Variants in DST observed in about 807,000 individuals in gnomAD.
The protein encoded by DST is dystonin, also known as bullous pemphigoid antigen.
A neutral mutation model predicts 875.2 loss-of-function variants in DST; 253 were observed. The observed-to-expected ratio is 0.29, with a 90% CI of 0.26 to 0.32. The LOEUF is 0.32. DST is among the 10% of genes least tolerant of loss of function. DST has a pLI of 1.00. For missense variants in DST, 8,287 were observed against 9,111.6 expected, an observed-to-expected ratio of 0.91 and a Z score of 3.68; for synonymous variants, 3,124 against 3,197.1, an observed-to-expected ratio of 0.98 and a Z score of 0.77.
intron 46 of DST, 104 bp from the exon 47 acceptor site, chr6:56,598,110 G>T: frequency 8.7e-7 from 1 of 1,143,490 alleles, no homozygotes; most frequent in East Asian, 2.7e-5. Flanking sequence ...TAGAATGAGG[G>T]TACTAAAAAC....
chr6:56,535,068 CTCT>C (rs1374438398), intron 63 of DST, 51 bp downstream of exon 63: 6 of 1,586,978 alleles, frequency 3.8e-6, no homozygotes, highest in African/African-American at 1.4e-5. Flanking sequence ...TGCATTTTTT[CTCT>C]TGTTATTAAG....
At position 56,515,165 on chromosome 6, in the gene DST, A is replaced by G. The variant is rs17830685; in HGVS notation, c.18576+285T>C. On this transcript the variant is annotated intron_variant, in intron 72 of 103. Coordinates refer to ENST00000680361, the MANE Select transcript of DST (RefSeq NM_001374736.1). ...GAAAGCACTTCAAAAGCTTAATCCT[A>G]TAACATTTTTAAATGGGAATTTTTT... Among the ~76,000 whole-genome samples, 3,686 of 152,302 alleles carry G rather than the reference A, an allele frequency of 0.024. 156 individuals are homozygous for G. Among genetic ancestry groups the G allele is most frequent in the East Asian group, 0.14 (720 of 5,178 alleles).
chr6:56,802,705 T>C (rs1233909244), intron 4 of DST, among the ~76,000 whole-genome samples: 1 of 152,126 alleles, frequency 6.6e-6, no homozygotes, highest in East Asian at 1.9e-4. Flanking sequence ...ATTACACCCA[T>C]TGATATCCAT....
At chr6:56,723,489 G>A (rs942130241) in intron 5 of DST, among the ~76,000 whole-genome samples, 15 of 152,034 alleles carry the variant, frequency 9.9e-5, no homozygotes, top group Admixed American at 2.6e-4. Flanking sequence ...GCTTAACCCC[G>A]GGAGGCAGAG....
chr6:56,853,219 T>C (rs1327343976), intron 3 of DST, among the ~76,000 whole-genome samples: 1 of 152,204 alleles, frequency 6.6e-6, no homozygotes, highest in East Asian at 1.9e-4. Context: ...ACAGTCTGTA[T>C]ATTTTTCTAA....
intron 5 of DST, among the ~76,000 whole-genome samples, chr6:56,717,198 T>TAAAC (rs2099398462): frequency 6.8e-6 from 1 of 147,834 alleles, no homozygotes; most frequent in African/African-American, 2.6e-5. Context: ...AATAAATAAA[T>TAAAC]AAATAAATAA....
rs1800569057 is a variant in DST at position 56,915,636 on chromosome 6, C to T, written c.217-15015G>A. 3.3e-5 allele frequency among the ~76,000 whole-genome samples: 5 copies of T among 152,210 alleles called. No individual in the cohort carries two copies. The South Asian group carries it at 1.0e-3, about 32-fold the overall frequency. ...AAACGTGCTAATTTGCAATAAGTCA[C>T]AGCAAAGTCCTAACTGAGTCTATTT... On this transcript the variant is annotated intron_variant, in intron 2 of 103. Transcript: ENST00000680361.
intron 36 of DST, among the ~76,000 whole-genome samples, chr6:56,623,779 C>T (rs762534186): frequency 2.0e-5 from 3 of 152,094 alleles, no homozygotes; most frequent in Admixed American, 6.5e-5. Flanking sequence ...CAAAGCATAG[C>T]ATACTCCCTT....
chr6:56,609,385 C>A, intron 39 of DST, 41 bp from the exon 40 acceptor site: 1 of 1,434,496 alleles, frequency 7.0e-7, no homozygotes. Context: ...CTCTGTTACA[C>A]AAGGGTGGGC....
At chr6:56,569,740 G>GTACA (rs1395308694) in intron 54 of DST, 116 bp downstream of exon 54, 1 of 880,882 alleles carries the variant, frequency 1.1e-6, no homozygotes, top group African/African-American at 1.7e-5. Flanking sequence ...AAAATATACA[G>GTACA]TACATATATG....
intron 3 of DST, among the ~76,000 whole-genome samples, chr6:56,888,295 G>A (rs543484149): frequency 1.3e-5 from 2 of 152,208 alleles, no homozygotes; most frequent in Admixed American, 6.5e-5. Flanking sequence ...ACCTAAAAAG[G>A]GAGGTACAGC....
At chr6:56,883,148 G>C (rs1317284477) in intron 3 of DST, among the ~76,000 whole-genome samples, 5 of 152,232 alleles carry the variant, frequency 3.3e-5, no homozygotes, top group Non-Finnish European at 7.3e-5. Context: ...GATTACAGGT[G>C]TGAGCCACCA....
At chr6:56,812,370 A>G (rs1281851645) in intron 4 of DST, among the ~76,000 whole-genome samples, 2 of 152,204 alleles carry the variant, frequency 1.3e-5, no homozygotes, top group Non-Finnish European at 2.9e-5. Context: ...ATCAGGTCAT[A>G]ACTCATTCTA....
chr6:56,872,190 T>A (rs1160286267), intron 3 of DST, among the ~76,000 whole-genome samples: 1 of 152,094 alleles, frequency 6.6e-6, no homozygotes, highest in African/African-American at 2.4e-5. Flanking sequence ...GGAGAGCAAA[T>A]GAGCAAACTG....
intron 68 of DST, 88 bp downstream of exon 68, chr6:56,527,405 A>G (rs1231789131): frequency 1.4e-6 from 2 of 1,465,786 alleles, no homozygotes; most frequent in Non-Finnish European, 1.8e-6. Context: ...ATATGTAATG[A>G]CATAAGACAA....
chr6:56,784,411 G>C (rs1250825198), intron 4 of DST, among the ~76,000 whole-genome samples: 1 of 152,132 alleles, frequency 6.6e-6, no homozygotes, highest in East Asian at 1.9e-4. Context: ...TTTCTTGGAG[G>C]CTTTGTTCAT....
chr6:56,835,122 T>G (rs2099792039), intron 4 of DST, among the ~76,000 whole-genome samples: 1 of 152,174 alleles, frequency 6.6e-6, no homozygotes. Flanking sequence ...TCCAACTATA[T>G]GACATTCTGT....
rs537776467 is a variant in DST, at chr6:56,723,153, T to C, written c.687+12075A>G. 6.6e-5 allele frequency among the ~76,000 whole-genome samples: 10 copies of C among 152,294 alleles called. No individual in the cohort carries two copies. In the South Asian group the frequency reaches 1.9e-3, roughly 28 times the overall value. On this transcript the variant is annotated intron_variant, in intron 5 of 103. Coordinates refer to ENST00000680361, the MANE Select transcript of DST (RefSeq NM_001374736.1). ...ATCATTCTGGGGGGCTGGCCCAAGA[T>C]AAGTAGGTGGAAGTTAGGGTATGAG...
In DST at chr6:56,604,416, A is replaced by T; in HGVS notation, c.10212T>A (p.Thr3404=). 6.2e-7 allele frequency: 1 copy of T among 1,610,290 alleles called. No homozygotes were observed. The highest frequency in any genetic ancestry group is 1.3e-5 in the African/African-American group (1 of 74,952). The change falls in exon 40 of 104, where the codon ACT becomes ACA. Residue 3404 remains threonine, a synonymous_variant. Transcript: ENST00000680361. ...TTSQLVNEAS[T]VPSDSQMSDS... ...CACTCATTTGAGAGTCGCTGGGCAC[A>T]GTAGATGCCTCATTTACCAACTGTG...
Sources: gnomAD v4.1 joint callset for allele counts (sites outside exome capture counted in the v4.1 genomes callset) on GRCh38, gnomAD v4.1.1 for gene constraint, MANE v1.5 for transcripts, NCBI Gene and HGNC (gene_info 2026-07-23, HGNC 2026-07-21) for gene names.